Variants in SLC1A2 observed in about 807,000 individuals in gnomAD.
SLC1A2 encodes excitatory amino acid transporter 2.
SLC1A2 carries 15 observed loss-of-function variants against 48.8 expected under a neutral mutation model. The observed-to-expected ratio is 0.31, with a 90% CI of 0.21 to 0.47. SLC1A2 has a LOEUF of 0.47. Among genes scored for constraint, SLC1A2 ranks in the 20% least tolerant of loss-of-function variants. The probability of loss-of-function intolerance (pLI) is 0.99; values close to 1 mark genes in which losing one functional copy is unlikely to be tolerated. For synonymous variants in SLC1A2, 279 were observed against 272.6 expected, an observed-to-expected ratio of 1.02 and a Z score of -0.23; for missense variants, 502 against 730.5, an observed-to-expected ratio of 0.69 and a Z score of 3.61.
rs1418833327 is a variant in SLC1A2 at position 35,259,738 on chromosome 11, C to T, written c.*1156G>A. 1 of 152,218 alleles carries T rather than the reference C, an allele frequency of 6.6e-6. No homozygotes were observed. The highest frequency in any genetic ancestry group is 2.4e-5 in the African/African-American group (1 of 41,450). 9.4% of individuals were successfully genotyped at this position (152,218 alleles called of 1,614,324 possible). ...TGAGAAGACTGAGGAGGAAGACTGG[C>T]TCTGCTTCCAACTGTGTCCTATAAC... On this transcript the variant is annotated 3_prime_UTR_variant, in exon 11 of 11. Transcript: ENST00000278379.
At chr11:35,292,688 C>A (rs530545530) in intron 6 of SLC1A2, among the ~76,000 whole-genome samples, 168 bp from the exon 7 acceptor site, 1 of 152,254 alleles carries the variant, frequency 6.6e-6, no homozygotes, top group Non-Finnish European at 1.5e-5. Context: ...CTTCCCTTAA[C>A]CAAAATCTGT....
At chr11:35,313,077 C>CT (rs1329887177) in intron 3 of SLC1A2, among the ~76,000 whole-genome samples, 2 of 152,176 alleles carry the variant, frequency 1.3e-5, no homozygotes, top group African/African-American at 4.8e-5. Flanking sequence ...TTCCTTTCCA[C>CT]TTTTTATTTT....
chr11:35,409,090 AAC>A (rs1211931007), intron 1 of SLC1A2, among the ~76,000 whole-genome samples: 1 of 152,200 alleles, frequency 6.6e-6, no homozygotes, highest in African/African-American at 2.4e-5. Flanking sequence ...AATAAGGGAA[AAC>A]ACTCACGAAG....
chr11:35,306,011 G>T, intron 5 of SLC1A2, 63 bp downstream of exon 5: 1 of 1,481,992 alleles, frequency 6.7e-7, no homozygotes, highest in Non-Finnish European at 9.3e-7. Flanking sequence ...TTTCTGAAAA[G>T]GGAGTGCAGG....
intron 1 of SLC1A2, among the ~76,000 whole-genome samples, chr11:35,351,227 A>G (rs1233748820): frequency 6.6e-6 from 1 of 152,250 alleles, no homozygotes; most frequent in Non-Finnish European, 1.5e-5. Context: ...GATTAGTGCC[A>G]GAGACAGAAT....
chr11:35,404,677 C>T (rs556394574), intron 1 of SLC1A2, among the ~76,000 whole-genome samples: 2 of 152,308 alleles, frequency 1.3e-5, no homozygotes, highest in South Asian at 4.1e-4. Flanking sequence ...CACAGTGCTC[C>T]CTGCTGGGCA....
In SLC1A2 at chr11:35,289,857, C is replaced by G. The variant is rs184303674; in HGVS notation, c.1091+2430G>C. 5.0e-3 allele frequency among the ~76,000 whole-genome samples: 755 copies of G among 152,186 alleles called. 1 individual carries two copies. The highest frequency in any genetic ancestry group is 7.4e-3 in the Non-Finnish European group (506 of 67,980). Reference sequence around the variant, plus strand: ...GTCAAGTGAAGAGGAGGATTATTTGCAACTTGTGACACATGAGCTAATATT... The same window carrying G: ...GTCAAGTGAAGAGGAGGATTATTTGGAACTTGTGACACATGAGCTAATATT... On this transcript the variant is annotated intron_variant, in intron 7 of 10. Transcript: ENST00000278379.
At chr11:35,346,250 T>C (rs1853028758) in intron 1 of SLC1A2, among the ~76,000 whole-genome samples, 1 of 152,202 alleles carries the variant, frequency 6.6e-6, no homozygotes, top group Admixed American at 6.5e-5. Context: ...TGCTTTCCAT[T>C]TGAGGCATCC....
intron 1 of SLC1A2, among the ~76,000 whole-genome samples, chr11:35,351,922 C>T (rs1415016913): frequency 6.6e-6 from 1 of 152,230 alleles, no homozygotes; most frequent in African/African-American, 2.4e-5. Flanking sequence ...GCGTGAGTCA[C>T]CGCATCTGGC....
intron 1 of SLC1A2, among the ~76,000 whole-genome samples, chr11:35,372,145 G>A (rs1854082969): frequency 6.6e-6 from 1 of 152,230 alleles, no homozygotes; most frequent in Non-Finnish European, 1.5e-5. Context: ...AAGGGATGGA[G>A]AGGGCAAGGG....
At chr11:35,344,711 C>T (rs558835218) in intron 1 of SLC1A2, among the ~76,000 whole-genome samples, 9 of 152,362 alleles carry the variant, frequency 5.9e-5, no homozygotes, top group Admixed American at 2.0e-4. Flanking sequence ...GCCAACCTCC[C>T]TCTTCAGACA....
chr11:35,412,880 C>T (rs2633077), intron 1 of SLC1A2, among the ~76,000 whole-genome samples: 83,490 of 151,954 alleles, frequency 0.55, 23,914 homozygotes, highest in Middle Eastern at 0.69. Flanking sequence ...GACCAGACAA[C>T]GCTATTGGCT....
At chr11:35,373,101 C>T (rs539667471) in intron 1 of SLC1A2, among the ~76,000 whole-genome samples, 148 of 152,298 alleles carry the variant, frequency 9.7e-4, no homozygotes, top group African/African-American at 3.3e-3. Context: ...GCACGACACA[C>T]CAGAGCAGGG....
rs1950243014 is a variant in SLC1A2, at chr11:35,251,810, G to T, written c.*9084C>A. On this transcript the variant is annotated 3_prime_UTR_variant, in exon 11 of 11. Coordinates refer to ENST00000278379, the MANE Select transcript of SLC1A2 (RefSeq NM_004171.4). Reference sequence around the variant, plus strand: ...TTTACCCTTCTTGGGAAAAGAGTAGGGCACTCAGGGTTCCCTATAGCACAT... The same window carrying T: ...TTTACCCTTCTTGGGAAAAGAGTAGTGCACTCAGGGTTCCCTATAGCACAT... 1 of 152,560 alleles carries T rather than the reference G, an allele frequency of 6.6e-6. No homozygotes were observed. Among genetic ancestry groups the T allele is most frequent in the Admixed American group, 6.5e-5 (1 of 15,272 alleles). 9.5% of individuals were successfully genotyped at this position (152,560 alleles called of 1,614,324 possible).
intron 7 of SLC1A2, among the ~76,000 whole-genome samples, chr11:35,288,894 AT>A (rs1467620200): frequency 6.6e-6 from 1 of 151,482 alleles, no homozygotes; most frequent in African/African-American, 2.4e-5. Context: ...AATATCCTCT[AT>A]TTCTCTACTG....
intron 1 of SLC1A2, among the ~76,000 whole-genome samples, chr11:35,333,208 T>A (rs1852486585): frequency 6.6e-6 from 1 of 151,716 alleles, no homozygotes; most frequent in African/African-American, 2.4e-5. Flanking sequence ...AGGTCAGGAG[T>A]TTGAGACCAG....
intron 1 of SLC1A2, among the ~76,000 whole-genome samples, chr11:35,384,426 T>C (rs1437668078): frequency 6.6e-6 from 1 of 152,192 alleles, no homozygotes; most frequent in African/African-American, 2.4e-5. Flanking sequence ...AAAAGTAATG[T>C]ACAAATAATG....
At chr11:35,417,731 C>T (rs529850740) in intron 1 of SLC1A2, among the ~76,000 whole-genome samples, 73 of 152,326 alleles carry the variant, frequency 4.8e-4, no homozygotes, top group Non-Finnish European at 8.8e-4. Context: ...TTTGGAAGGA[C>T]TCTGGGGGAC....
intron 1 of SLC1A2, among the ~76,000 whole-genome samples, chr11:35,351,209 A>C (rs562510842): frequency 6.6e-6 from 1 of 152,350 alleles, no homozygotes; most frequent in Non-Finnish European, 1.5e-5. Context: ...AACCATGATC[A>C]GGCAACTGAT....
Sources: gnomAD v4.1 joint callset for allele counts (sites outside exome capture counted in the v4.1 genomes callset) on GRCh38, gnomAD v4.1.1 for gene constraint, MANE v1.5 for transcripts, NCBI Gene and HGNC (gene_info 2026-07-23, HGNC 2026-07-21) for gene names.